The following TINAG variants were observed in gnomAD, a reference collection of about 807,000 sequenced individuals.
The protein encoded by TINAG is tubulointerstitial nephritis antigen.
Under a neutral mutation model 72.7 loss-of-function variants are expected in TINAG, and 83 were observed. The ratio of observed to expected loss-of-function variants is 1.14; its 90% CI spans 0.96 to 1.37. The LOEUF (loss-of-function observed/expected upper bound fraction) is 1.37, where lower values mean the gene tolerates loss of function less well. TINAG is among the 40% of genes most tolerant of loss of function. The pLI is 0.00. For synonymous variants in TINAG, 234 were observed against 189.9 expected, an observed-to-expected ratio of 1.23 and a Z score of -1.91; for missense variants, 685 against 576.6, an observed-to-expected ratio of 1.19 and a Z score of -1.93.
chr6:54,384,283 C>T (rs553416648), intron 10 of TINAG, among the ~76,000 whole-genome samples: 2 of 152,066 alleles, frequency 1.3e-5, no homozygotes, highest in East Asian at 1.9e-4. Context: ...AGAAAACCAC[C>T]GTGGCATGTG....
chr6:54,346,811 AAGT>A (rs1333427195), intron 5 of TINAG, among the ~76,000 whole-genome samples: 2 of 152,018 alleles, frequency 1.3e-5, no homozygotes, highest in African/African-American at 4.8e-5. Flanking sequence ...GGATTAGCTT[AAGT>A]ATGGTCTCCT....
upstream of TINAG, chr6:54,307,903 G>T (rs1449418977): frequency 1.3e-6 from 1 of 766,980 alleles, no homozygotes; most frequent in Non-Finnish European, 2.1e-6. Flanking sequence ...GAGAACTAAG[G>T]TCACCCTCAG....
intron 9 of TINAG, among the ~76,000 whole-genome samples, chr6:54,356,445 G>A (rs563885296): frequency 1.2e-3 from 184 of 152,008 alleles, no homozygotes; most frequent in African/African-American, 4.2e-3. Flanking sequence ...GCTGAGGCAC[G>A]AGAATCGCTT....
At position 54,320,615 on chromosome 6, in the gene TINAG, C is replaced by T; in HGVS notation, c.392C>T (p.Ser131Leu). 6.2e-7 allele frequency: 1 copy of T among 1,607,324 alleles called. No homozygotes were observed. Among genetic ancestry groups the T allele is most frequent in the African/African-American group, 1.3e-5 (1 of 74,904 alleles). The change falls in exon 2 of 11, where the codon TCA becomes TTA. Residue 131 changes from serine to leucine, a missense_variant. Physicochemically the swap from Ser to Leu is moderately radical, Grantham distance 145. Coordinates refer to ENST00000259782, the MANE Select transcript of TINAG (RefSeq NM_014464.4). ...GATGGTCAACATTATGAAGAGGGATCAGTAATTAAAGAAAACTGCAACTCC... is the reference window on the plus strand; with the variant it reads ...GATGGTCAACATTATGAAGAGGGATTAGTAATTAAAGAAAACTGCAACTCC... ...FKDGQHYEEGSVIKENCNSCT... is the reference protein window; with the variant it reads ...FKDGQHYEEGLVIKENCNSCT...
intron 4 of TINAG, among the ~76,000 whole-genome samples, chr6:54,328,125 C>T (rs970912186): frequency 4.6e-5 from 7 of 152,124 alleles, no homozygotes; most frequent in African/African-American, 1.7e-4. Context: ...TGTTAAAGGA[C>T]AGACTGCCTC....
chr6:54,346,016 G>C (rs1400043121), intron 5 of TINAG, among the ~76,000 whole-genome samples: 1 of 151,998 alleles, frequency 6.6e-6, no homozygotes, highest in Non-Finnish European at 1.5e-5. Flanking sequence ...TTAAAAGTGA[G>C]TAAGAAACCA....
chr6:54,308,956 T>A, intron 1 of TINAG, 51 bp downstream of exon 1: 1 of 1,407,590 alleles, frequency 7.1e-7, no homozygotes, highest in Non-Finnish European at 9.6e-7. Context: ...AACAACAAGA[T>A]CTGACAAACG....
intron 9 of TINAG, among the ~76,000 whole-genome samples, chr6:54,358,472 C>T (rs1260499992): frequency 6.6e-6 from 1 of 150,478 alleles, no homozygotes; most frequent in African/African-American, 2.4e-5. Flanking sequence ...TGAGTTTTTT[C>T]CTTATGGTCT....
intron 9 of TINAG, among the ~76,000 whole-genome samples, chr6:54,367,944 T>C (rs1462245926): frequency 1.3e-5 from 2 of 151,710 alleles, no homozygotes; most frequent in Non-Finnish European, 2.9e-5. Context: ...TGGTGTCCTT[T>C]ATAGGGGCTA....
intron 9 of TINAG, among the ~76,000 whole-genome samples, chr6:54,369,014 AT>A (rs1173788419): frequency 6.6e-6 from 1 of 151,846 alleles, no homozygotes; most frequent in Non-Finnish European, 1.5e-5. Flanking sequence ...CTGTTTTCTG[AT>A]CATAAAAGTA....
chr6:54,364,123 G>A (rs1180372642), intron 9 of TINAG, among the ~76,000 whole-genome samples: 1 of 151,450 alleles, frequency 6.6e-6, no homozygotes, highest in African/African-American at 2.4e-5. Context: ...TAGATAGTTT[G>A]TAATGGTCAT....
chr6:54,341,225 G>T (rs1280906923), intron 4 of TINAG, among the ~76,000 whole-genome samples: 1 of 152,130 alleles, frequency 6.6e-6, no homozygotes, highest in Non-Finnish European at 1.5e-5. Context: ...ATACAAAATT[G>T]AAGGGTATGA....
chr6:54,374,592 A>C (rs1456541798), intron 9 of TINAG, among the ~76,000 whole-genome samples: 1 of 152,110 alleles, frequency 6.6e-6, no homozygotes, highest in Non-Finnish European at 1.5e-5. Context: ...AAAAGCCTGC[A>C]TATCTTTTCC....
At chr6:54,329,036 T>G (rs1035853715) in intron 4 of TINAG, among the ~76,000 whole-genome samples, 1 of 152,042 alleles carries the variant, frequency 6.6e-6, no homozygotes, top group African/African-American at 2.4e-5. Flanking sequence ...TAGAACCAAG[T>G]TGGAAAACAC....
intron 9 of TINAG, among the ~76,000 whole-genome samples, chr6:54,357,559 A>G (rs1763091932): frequency 6.6e-6 from 1 of 151,930 alleles, no homozygotes; most frequent in African/African-American, 2.4e-5. Context: ...ATCTTAATTA[A>G]TGACAGCTCT....
chr6:54,314,711 T>C (rs1784333225), intron 1 of TINAG, among the ~76,000 whole-genome samples: 1 of 151,776 alleles, frequency 6.6e-6, no homozygotes, highest in South Asian at 2.1e-4. Flanking sequence ...TGAGTTGTAA[T>C]TTTTTAATGT....
At chr6:54,329,346 A>G (rs1784682750) in intron 4 of TINAG, among the ~76,000 whole-genome samples, 2 of 152,216 alleles carry the variant, frequency 1.3e-5, no homozygotes, top group Non-Finnish European at 2.9e-5. Flanking sequence ...AAGAATTTTC[A>G]GCTCAGAATT....
At chr6:54,359,957 T>A (rs367663788) in intron 9 of TINAG, among the ~76,000 whole-genome samples, 1 of 151,768 alleles carries the variant, frequency 6.6e-6, no homozygotes, top group Non-Finnish European at 1.5e-5. Flanking sequence ...CACGACAAAT[T>A]CTGTTTGCTG....
At chr6:54,387,531 C>G (rs9474830) in intron 10 of TINAG, among the ~76,000 whole-genome samples, 2,188 of 152,084 alleles carry the variant, frequency 0.014, 52 homozygotes, top group African/African-American at 0.05. Context: ...ATAGGAAAAC[C>G]TGATGGGGAG....
Sources: gnomAD v4.1 joint callset for allele counts (sites outside exome capture counted in the v4.1 genomes callset) on GRCh38, gnomAD v4.1.1 for gene constraint, MANE v1.5 for transcripts, NCBI Gene and HGNC (gene_info 2026-07-23, HGNC 2026-07-21) for gene names.